Variants in PCDH9 observed in about 807,000 individuals in gnomAD.
PCDH9 encodes the protein protocadherin 9, also known as protocadherin-9.
In PCDH9, 24 loss-of-function variants were observed where a neutral mutation model predicts 70.6. The ratio of observed to expected loss-of-function variants is 0.34; its 90% CI spans 0.25 to 0.48. The LOEUF (loss-of-function observed/expected upper bound fraction) is 0.48, where lower values mean the gene tolerates loss of function less well. Among genes scored for constraint, PCDH9 ranks in the 20% least tolerant of loss-of-function variants. The probability of loss-of-function intolerance (pLI) is 0.99; values close to 1 mark genes in which losing one functional copy is unlikely to be tolerated. For missense variants in PCDH9, 1,281 were observed against 1,503.6 expected (o/e 0.85, Z 2.45); for synonymous variants, 562 against 558.5 (o/e 1.01, Z -0.09).
At chr13:66,705,741 GAAAATGTATCACC>G (rs1410272039) in intron 3 of PCDH9, among the ~76,000 whole-genome samples, 1 of 152,092 alleles carries the variant, frequency 6.6e-6, no homozygotes, top group Non-Finnish European at 1.5e-5. Context: ...TTATGATGAA[GAAAATGTATCACC>G]AAAATAACTG....
At chr13:66,752,430 G>A (rs907324190) in intron 3 of PCDH9, among the ~76,000 whole-genome samples, 5 of 152,092 alleles carry the variant, frequency 3.3e-5, no homozygotes, top group African/African-American at 7.2e-5. Context: ...CCAAGTAGCT[G>A]GGACTACAGG....
At chr13:66,851,325 A>C (rs1485364045) in intron 3 of PCDH9, among the ~76,000 whole-genome samples, 1 of 152,188 alleles carries the variant, frequency 6.6e-6, no homozygotes, top group African/African-American at 2.4e-5. Flanking sequence ...AAATAAATTT[A>C]TTGATAAAGG....
At position 66,461,440 on chromosome 13, in the gene PCDH9, A is replaced by G. The variant is rs1164847333; in HGVS notation, c.3341-156412T>C. Among the ~76,000 whole-genome samples, 5 of 151,510 alleles carry G rather than the reference A, an allele frequency of 3.3e-5. No individual in the cohort carries two copies. The Admixed American group carries it at 3.3e-4, about 10-fold the overall frequency. On this transcript the variant is annotated intron_variant, in intron 4 of 4. Transcript: ENST00000377865. ...GTGATTAGAAATAATATTGAACTTG[A>G]AAAAAAAGCTCAGCTAAATAATGGT...
At chr13:66,819,784 T>C (rs2080677476) in intron 3 of PCDH9, among the ~76,000 whole-genome samples, 1 of 152,112 alleles carries the variant, frequency 6.6e-6, no homozygotes, top group Non-Finnish European at 1.5e-5. Context: ...TGGTCCCAGC[T>C]ACTCAGGAGG....
At chr13:67,179,419 A>G (rs978644062) in intron 2 of PCDH9, among the ~76,000 whole-genome samples, 1 of 152,100 alleles carries the variant, frequency 6.6e-6, no homozygotes, top group South Asian at 2.1e-4. Flanking sequence ...ATTGATCCAT[A>G]GCAATGTATT....
chr13:67,199,110 A>G (rs1212817185), intron 2 of PCDH9, among the ~76,000 whole-genome samples: 2 of 151,636 alleles, frequency 1.3e-5, no homozygotes, highest in East Asian at 3.9e-4. Context: ...TTCAGTACAG[A>G]AGAATTGATG....
intron 2 of PCDH9, among the ~76,000 whole-genome samples, chr13:67,126,441 G>A (rs1044441842): frequency 2.6e-5 from 4 of 152,130 alleles, no homozygotes; most frequent in African/African-American, 9.7e-5. Context: ...ACGAAGGTCT[G>A]TTTAACACAT....
At chr13:66,827,066 G>A (rs1440295097) in intron 3 of PCDH9, among the ~76,000 whole-genome samples, 2 of 152,178 alleles carry the variant, frequency 1.3e-5, no homozygotes, top group Non-Finnish European at 2.9e-5. Flanking sequence ...ATAGCATGGA[G>A]GCAGAGGAAG....
intron 2 of PCDH9, among the ~76,000 whole-genome samples, chr13:67,062,172 A>G (rs2085551635): frequency 6.6e-6 from 1 of 152,156 alleles, no homozygotes; most frequent in Admixed American, 6.6e-5. Context: ...TCAAGGTACC[A>G]CTATCAATTT....
At chr13:66,629,084 A>G (rs2077536258) in intron 4 of PCDH9, among the ~76,000 whole-genome samples, 1 of 152,224 alleles carries the variant, frequency 6.6e-6, no homozygotes. Flanking sequence ...TGCATCTGAA[A>G]TATTTCATTA....
intron 3 of PCDH9, among the ~76,000 whole-genome samples, chr13:66,866,022 C>T (rs1012216515): frequency 4.6e-5 from 7 of 152,016 alleles, no homozygotes; most frequent in Non-Finnish European, 1.0e-4. Flanking sequence ...TGAATAGAAG[C>T]TGTGTGGCAT....
At chr13:67,090,427 G>C (rs1211982947) in intron 2 of PCDH9, among the ~76,000 whole-genome samples, 1 of 151,766 alleles carries the variant, frequency 6.6e-6, no homozygotes, top group Non-Finnish European at 1.5e-5. Context: ...AACATTTTTG[G>C]GTTAAAAATA....
chr13:66,746,519 A>G (rs1377234758), intron 3 of PCDH9, among the ~76,000 whole-genome samples: 2 of 152,206 alleles, frequency 1.3e-5, no homozygotes, highest in Non-Finnish European at 2.9e-5. Context: ...GAAAGAAAGC[A>G]AGAATCAAAA....
chr13:66,567,978 A>G (rs1344479105), intron 4 of PCDH9, among the ~76,000 whole-genome samples: 1 of 152,174 alleles, frequency 6.6e-6, no homozygotes, highest in East Asian at 1.9e-4. Flanking sequence ...TAATTGCTTA[A>G]TAAACACACC....
chr13:66,440,435 C>T (rs899310215), intron 4 of PCDH9, among the ~76,000 whole-genome samples: 3 of 151,970 alleles, frequency 2.0e-5, no homozygotes, highest in African/African-American at 7.2e-5. Context: ...TTTGGCTGGA[C>T]ATTTCAAGTG....
intron 3 of PCDH9, among the ~76,000 whole-genome samples, chr13:66,735,766 C>A (rs1365257312): frequency 1.3e-5 from 2 of 152,074 alleles, no homozygotes; most frequent in Non-Finnish European, 2.9e-5. Flanking sequence ...GAGTTCAAGA[C>A]CAGCCTGGCC....
intron 4 of PCDH9, among the ~76,000 whole-genome samples, chr13:66,452,877 C>A (rs913678643): frequency 2.0e-5 from 3 of 151,944 alleles, no homozygotes; most frequent in Non-Finnish European, 2.9e-5. Flanking sequence ...TCATAAATAT[C>A]CCTTCTCACA....
intron 3 of PCDH9, among the ~76,000 whole-genome samples, chr13:66,764,014 G>T (rs3926797): frequency 0.29 from 44,322 of 151,618 alleles, 6,828 homozygotes; most frequent in East Asian, 0.43. Flanking sequence ...GGCCAGGCTC[G>T]TTTGAAACTC....
chr13:66,895,547 C>T (rs932874978), intron 3 of PCDH9, among the ~76,000 whole-genome samples: 1 of 152,296 alleles, frequency 6.6e-6, no homozygotes, highest in East Asian at 1.9e-4. Context: ...GGCCAGCTTT[C>T]GCATTAGTAT....
Sources: gnomAD v4.1 joint callset for allele counts (sites outside exome capture counted in the v4.1 genomes callset) on GRCh38, gnomAD v4.1.1 for gene constraint, MANE v1.5 for transcripts, NCBI Gene and HGNC (gene_info 2026-07-23, HGNC 2026-07-21) for gene names.